The following RAB5A variants were observed in gnomAD, a reference collection of about 807,000 sequenced individuals.
The protein encoded by RAB5A is RAB5A, member RAS oncogene family.
Under a neutral mutation model 25.7 loss-of-function variants are expected in RAB5A, and 8 were observed. That is an observed-to-expected ratio of 0.31 (90% CI 0.18 to 0.56). The LOEUF (loss-of-function observed/expected upper bound fraction) is 0.56, where lower values mean the gene tolerates loss of function less well. Among genes scored for constraint, RAB5A ranks in the 20% least tolerant of loss-of-function variants. RAB5A has a pLI of 0.91. For synonymous variants in RAB5A, 98 were observed against 89.8 expected, an observed-to-expected ratio of 1.09 and a Z score of -0.52; for missense variants, 192 against 259.7, an observed-to-expected ratio of 0.74 and a Z score of 1.79.
At chr3:19,978,218 G>C in intron 4 of RAB5A, 92 bp from the exon 5 acceptor site, 1 of 838,038 alleles carries the variant, frequency 1.2e-6, no homozygotes. Flanking sequence ...GTAGTAATAA[G>C]AAAGTCTCCT....
chr3:19,975,529 A>G (rs755514870), intron 2 of RAB5A, 72 bp from the exon 3 acceptor site: 83 of 1,449,456 alleles, frequency 5.7e-5, no homozygotes, highest in Non-Finnish European at 7.6e-5. Context: ...AGATGTATAC[A>G]AGCAGGTGTT....
At chr3:19,977,626 C>G (rs1696846552) in intron 4 of RAB5A, among the ~76,000 whole-genome samples, 1 of 152,158 alleles carries the variant, frequency 6.6e-6, no homozygotes, top group African/African-American at 2.4e-5. Flanking sequence ...CTTCCCAGCA[C>G]AAGAGTGGCA....
chr3:19,981,032 T>TTTTACCA (rs1696915593), intron 5 of RAB5A, among the ~76,000 whole-genome samples: 2 of 152,204 alleles, frequency 1.3e-5, no homozygotes, highest in African/African-American at 2.4e-5. Context: ...TATGGTAAAG[T>TTTTACCA]TAGAGTCTTA....
intron 2 of RAB5A, among the ~76,000 whole-genome samples, chr3:19,951,822 C>G (rs1696429245): frequency 6.6e-6 from 1 of 151,128 alleles, no homozygotes; most frequent in African/African-American, 2.4e-5. Context: ...CAGGTGCTCC[C>G]TGCTGAGATG....
chr3:19,975,162 G>A (rs1459055916), intron 2 of RAB5A, among the ~76,000 whole-genome samples: 1 of 151,184 alleles, frequency 6.6e-6, no homozygotes, highest in Non-Finnish European at 1.5e-5. Flanking sequence ...GGAGGCGGAG[G>A]TTGCAGTGAG....
intron 2 of RAB5A, among the ~76,000 whole-genome samples, chr3:19,973,922 G>A (rs929204121): frequency 6.6e-6 from 1 of 151,996 alleles, no homozygotes; most frequent in Non-Finnish European, 1.5e-5. Context: ...CTAGATAAAC[G>A]GCTGTAATTT....
chr3:19,957,446 C>T (rs541183552), intron 2 of RAB5A, among the ~76,000 whole-genome samples: 4 of 150,958 alleles, frequency 2.6e-5, no homozygotes, highest in South Asian at 2.1e-4. Flanking sequence ...GTGGTCAGAT[C>T]GCTTGAGACC....
rs760256312 is a variant in RAB5A, at chr3:19,950,815, C to A, written c.-84C>A. On this transcript the variant is annotated 5_prime_UTR_variant, in exon 2 of 6. Coordinates refer to ENST00000273047, the MANE Select transcript of RAB5A (RefSeq NM_004162.5). The stretch of plus-strand genomic sequence containing the variant: ...AATTGTTTCTTTACAGGTTTCTTTA[C>A]CTCCAGAAAGAAGAATATTGGCCCC... The A allele has an allele frequency of 1.5e-6, 2 of 1,364,252 alleles. No homozygotes were observed. Among genetic ancestry groups the A allele is most frequent in the African/African-American group, 2.9e-5 (2 of 68,350 alleles). The allele number at this position is 1,364,252 out of a possible 1,614,324, so 84.5% of individuals were successfully genotyped here.
chr3:19,972,023 CT>C (rs1449940180), intron 2 of RAB5A, among the ~76,000 whole-genome samples: 3 of 152,102 alleles, frequency 2.0e-5, no homozygotes, highest in Non-Finnish European at 2.9e-5. Context: ...AGAGGAGCTA[CT>C]ACAAGTTGAG....
chr3:19,951,701 G>GATTTTTTTTTTTTTTTTT (rs1553638044), intron 2 of RAB5A, among the ~76,000 whole-genome samples: 1 of 99,014 alleles, frequency 1.0e-5, no homozygotes. Context: ...TGCCAGGCAA[G>GATTTTTTTTTTTTTTTTT]TTTTTTTTTT....
At chr3:19,974,796 T>C (rs1696799602) in intron 2 of RAB5A, among the ~76,000 whole-genome samples, 1 of 151,764 alleles carries the variant, frequency 6.6e-6, no homozygotes, top group Non-Finnish European at 1.5e-5. Flanking sequence ...ATTGCCAGTG[T>C]GCGCCAATAA....
At chr3:19,972,470 G>T (rs1463135239) in intron 2 of RAB5A, among the ~76,000 whole-genome samples, 2 of 152,146 alleles carry the variant, frequency 1.3e-5, no homozygotes, top group Non-Finnish European at 2.9e-5. Flanking sequence ...AGGGTGGAAT[G>T]AAGGAAGGTT....
intron 2 of RAB5A, among the ~76,000 whole-genome samples, chr3:19,952,374 C>T (rs1696436713): frequency 6.6e-6 from 1 of 152,138 alleles, no homozygotes; most frequent in Admixed American, 6.6e-5. Flanking sequence ...CTAAGGTATT[C>T]ATGTATATAT....
At chr3:19,971,392 G>A (rs1274646653) in intron 2 of RAB5A, among the ~76,000 whole-genome samples, 1 of 110,048 alleles carries the variant, frequency 9.1e-6, no homozygotes, top group Non-Finnish European at 2.0e-5. Flanking sequence ...ATTTTCCCTG[G>A]CCTCTAATGT....
chr3:19,963,166 T>G lies in RAB5A; in HGVS notation c.163+12105T>G, dbSNP rs566011650. On this transcript the variant is annotated intron_variant, in intron 2 of 5. Transcript: ENST00000273047. Reference sequence around the variant, plus strand: ...CTCATGTTACTTCTATGTAGATTTCTTTATAATAGTCACACTACTGTGTTC... The same window carrying G: ...CTCATGTTACTTCTATGTAGATTTCGTTATAATAGTCACACTACTGTGTTC... 2.5e-4 allele frequency among the ~76,000 whole-genome samples: 38 copies of G among 152,342 alleles called. 1 individual carries two copies. Among genetic ancestry groups the G allele is most frequent in the Admixed American group, 2.2e-3 (33 of 15,304 alleles).
intron 5 of RAB5A, among the ~76,000 whole-genome samples, chr3:19,981,114 C>A (rs537847280): frequency 5.3e-5 from 8 of 152,110 alleles, no homozygotes; most frequent in Non-Finnish European, 4.4e-5. Context: ...TACTCTTAGT[C>A]ATCTTTAATA....
chr3:19,969,049 T>TG (rs1559490153), intron 2 of RAB5A, among the ~76,000 whole-genome samples: 9 of 141,400 alleles, frequency 6.4e-5, no homozygotes, highest in Non-Finnish European at 1.4e-4. Context: ...TTTTTGGTTT[T>TG]TTTTTTTTTT....
At position 19,984,283 on chromosome 3, in the gene RAB5A, A is replaced by T. The variant is rs764777175; in HGVS notation, c.*460A>T. 1.2e-5 allele frequency: 5 copies of T among 429,874 alleles called. No individual in the cohort carries two copies. The highest frequency in any genetic ancestry group is 8.3e-5 in the South Asian group (5 of 60,158). 26.6% of individuals were successfully genotyped at this position (429,874 alleles called of 1,614,324 possible). On this transcript the variant is annotated 3_prime_UTR_variant, in exon 6 of 6. Coordinates refer to ENST00000273047, the MANE Select transcript of RAB5A (RefSeq NM_004162.5). ...AGCCATAGTATTCAGGCAAATGTTC[A>T]TTTCTCCTGGTACCTGTATTTAAAA...
chr3:19,978,507 G>T (rs909923745), intron 5 of RAB5A, 104 bp downstream of exon 5: 3 of 734,502 alleles, frequency 4.1e-6, no homozygotes, highest in African/African-American at 1.8e-5. Flanking sequence ...GGGTGGGTTT[G>T]TGTGTATGTT....
Sources: gnomAD v4.1 joint callset for allele counts (sites outside exome capture counted in the v4.1 genomes callset) on GRCh38, gnomAD v4.1.1 for gene constraint, MANE v1.5 for transcripts, NCBI Gene and HGNC (gene_info 2026-07-23, HGNC 2026-07-21) for gene names.